TMEM132B: variants seen among roughly 807,000 people sequenced by gnomAD.
The protein encoded by TMEM132B is transmembrane protein 132B.
A neutral mutation model predicts 90.8 loss-of-function variants in TMEM132B; 18 were observed. The observed-to-expected ratio is 0.20, with a 90% CI of 0.14 to 0.29. The LOEUF (loss-of-function observed/expected upper bound fraction) is 0.29, where lower values mean the gene tolerates loss of function less well. TMEM132B is among the 10% of genes least tolerant of loss of function. The pLI is 1.00. For synonymous variants in TMEM132B, 504 were observed against 523.3 expected (o/e 0.96, Z 0.50); for missense variants, 1,096 against 1,326.8 (o/e 0.83, Z 2.70).
chr12:125,249,539 A>C (rs1355395982), intron 1 of TMEM132B, among the ~76,000 whole-genome samples: 15 of 152,234 alleles, frequency 9.9e-5, no homozygotes, highest in Admixed American at 9.8e-4. Context: ...ACAGTGGGTT[A>C]ACTTTACTAT....
chr12:125,464,074 A>G (rs1253966903), intron 3 of TMEM132B, among the ~76,000 whole-genome samples: 1 of 152,164 alleles, frequency 6.6e-6, no homozygotes. Context: ...CCCTTGACCC[A>G]TGGGAATTAT....
chr12:125,281,919 T>C (rs1360574793), intron 1 of TMEM132B, among the ~76,000 whole-genome samples: 1 of 150,102 alleles, frequency 6.7e-6, no homozygotes, highest in Admixed American at 6.7e-5. Flanking sequence ...TCCCAGCTAC[T>C]CGGGAGGCTG....
At position 125,456,153 on chromosome 12, in the gene TMEM132B, C is replaced by A. The variant is rs549483255; in HGVS notation, c.1106+40476C>A. ...CATCCAATTCCCGCTGGACATGTAT[C>A]AGCATATCCATGAGAAATAAGGTTT... On this transcript the variant is annotated intron_variant, in intron 3 of 8. Coordinates refer to ENST00000682704, the MANE Select transcript of TMEM132B (RefSeq NM_001366854.1). 5.3e-5 allele frequency among the ~76,000 whole-genome samples: 8 copies of A among 152,296 alleles called. No homozygotes were observed. The South Asian group carries it at 1.7e-3, about 32-fold the overall frequency.
At chr12:125,651,465 G>A (rs943061589) in intron 7 of TMEM132B, among the ~76,000 whole-genome samples, 2 of 152,194 alleles carry the variant, frequency 1.3e-5, no homozygotes, top group Non-Finnish European at 2.9e-5. Flanking sequence ...GGATAATTAT[G>A]CAGAAATGGT....
At chr12:125,466,385 G>A (rs759679034) in intron 3 of TMEM132B, among the ~76,000 whole-genome samples, 5 of 152,174 alleles carry the variant, frequency 3.3e-5, no homozygotes, top group Non-Finnish European at 5.9e-5. Flanking sequence ...GATATCGGAG[G>A]GGAAGGGAAA....
intron 3 of TMEM132B, among the ~76,000 whole-genome samples, chr12:125,466,617 G>A (rs1881568213): frequency 6.6e-6 from 1 of 152,186 alleles, no homozygotes; most frequent in African/African-American, 2.4e-5. Context: ...GAGAATGACT[G>A]GAAGTAGAAA....
At chr12:125,290,742 G>A (rs1875514412) in intron 1 of TMEM132B, among the ~76,000 whole-genome samples, 1 of 152,004 alleles carries the variant, frequency 6.6e-6, no homozygotes, top group Admixed American at 6.6e-5. Context: ...TTCTTGCCAC[G>A]GTAAACAATA....
At chr12:125,212,318 C>T (rs1479629538) in intron 1 of TMEM132B, among the ~76,000 whole-genome samples, 14 of 132,682 alleles carry the variant, frequency 1.1e-4, no homozygotes, top group Admixed American at 6.4e-4. Context: ...CCTGTTTAGT[C>T]GCTCACATAT....
intron 1 of TMEM132B, among the ~76,000 whole-genome samples, chr12:125,322,630 A>G (rs546528691): frequency 6.6e-6 from 1 of 152,218 alleles, no homozygotes; most frequent in Non-Finnish European, 1.5e-5. Flanking sequence ...ATCAAACCAT[A>G]CACTTTAATT....
intron 6 of TMEM132B, among the ~76,000 whole-genome samples, chr12:125,649,165 A>G (rs1346314284): frequency 2.0e-5 from 3 of 152,092 alleles, no homozygotes; most frequent in Admixed American, 6.5e-5. Flanking sequence ...TGCTGGTGAA[A>G]ATTTTTCTAC....
rs868442951 is a variant in TMEM132B at position 125,655,016 on chromosome 12, C to T, written c.*306C>T. The T allele has an allele frequency of 4.2e-5, 11 of 260,096 alleles. No individual in the cohort carries two copies. The highest frequency in any genetic ancestry group is 2.0e-4 in the African/African-American group (9 of 45,160). The allele number at this position is 260,096 out of a possible 1,614,324, so 16.1% of individuals were successfully genotyped here. A position where few individuals can be genotyped will look rare whatever the true frequency, so the allele number is the denominator to read the frequency against. On this transcript the variant is annotated 3_prime_UTR_variant, in exon 9 of 9. Transcript: ENST00000682704. ...ACCCCACAGACATTGTTAGTCATCT[C>T]GTGACAAATGGCCATGTGGAATTAG...
intron 3 of TMEM132B, among the ~76,000 whole-genome samples, chr12:125,425,680 C>T (rs182954755): frequency 2.6e-5 from 4 of 152,256 alleles, no homozygotes; most frequent in East Asian, 3.9e-4. Context: ...TCCAGAATGT[C>T]GTATAGTTGG....
chr12:125,404,961 C>A (rs1174865903), intron 2 of TMEM132B, among the ~76,000 whole-genome samples: 2 of 152,162 alleles, frequency 1.3e-5, no homozygotes, highest in Admixed American at 6.5e-5. Flanking sequence ...ACAGATACAG[C>A]GTAACATAAT....
Position 125,459,683 on chromosome 12 carries a change from T to A in TMEM132B, c.1106+44006T>A, listed in dbSNP as rs938696349. On this transcript the variant is annotated intron_variant, in intron 3 of 8. Transcript: ENST00000682704. This position sits in a 1 kb window ranked among gnomAD's most constrained non-coding sequence, Gnocchi z 4.1. ...AACTAGAAGAGTATAATTGGATTGT[T>A]TGTAACACAAAGGATAAATGCTTGA... Among the ~76,000 whole-genome samples the A allele has an allele frequency of 6.6e-6, 1 of 152,236 alleles. No homozygotes were observed.
intron 4 of TMEM132B, among the ~76,000 whole-genome samples, chr12:125,574,395 C>T (rs937249913): frequency 1.3e-5 from 2 of 152,072 alleles, no homozygotes; most frequent in African/African-American, 4.8e-5. Context: ...GGTAGTTCAC[C>T]TCGTCCAATG....
chr12:125,608,479 A>G (rs73416400), intron 5 of TMEM132B, among the ~76,000 whole-genome samples: 5,659 of 152,260 alleles, frequency 0.037, 325 homozygotes, highest in African/African-American at 0.12. Context: ...AATCTTTATC[A>G]GGTATATGAT....
chr12:125,306,415 T>C (rs148055684), intron 1 of TMEM132B, among the ~76,000 whole-genome samples: 90 of 152,314 alleles, frequency 5.9e-4, no homozygotes, highest in Non-Finnish European at 1.1e-3. Flanking sequence ...CATCTCTACC[T>C]GGACGTCTCA....
intron 1 of TMEM132B, among the ~76,000 whole-genome samples, chr12:125,315,400 T>A (rs548090651): frequency 4.5e-4 from 68 of 152,284 alleles, no homozygotes; most frequent in African/African-American, 1.6e-3. Context: ...GGTTTCACCA[T>A]GTTGGCCAAG....
At chr12:125,195,679 G>A (rs976663701) in intron 1 of TMEM132B, among the ~76,000 whole-genome samples, 6 of 152,096 alleles carry the variant, frequency 3.9e-5, no homozygotes, top group African/African-American at 7.2e-5. Flanking sequence ...TATTACAGAC[G>A]TGAGCCACCG....
Sources: allele counts gnomAD v4.1 joint callset (sites outside exome capture counted in the v4.1 genomes callset), GRCh38; gene constraint gnomAD v4.1.1; non-coding constraint Gnocchi (gnomAD v3.1); transcripts MANE v1.5; gene names NCBI Gene and HGNC (gene_info 2026-07-23, HGNC 2026-07-21).